The following EPB41L4A variants were observed in gnomAD, a reference collection of about 807,000 sequenced individuals.
The protein encoded by EPB41L4A is band 4.1-like protein 4A.
In EPB41L4A, 100 loss-of-function variants were observed where a neutral mutation model predicts 108.6. That is an observed-to-expected ratio of 0.92 (90% confidence interval 0.78 to 1.09). The LOEUF (loss-of-function observed/expected upper bound fraction) is 1.09. Ranked by LOEUF, EPB41L4A falls within the 50% of genes least tolerant of loss-of-function variation. The pLI, the probability that EPB41L4A is intolerant of heterozygous loss-of-function variation, is 0.00. For missense variants in EPB41L4A, 1,030 were observed against 842.7 expected, an observed-to-expected ratio of 1.22 and a Z score of -2.75; for synonymous variants, 319 against 289.0, an observed-to-expected ratio of 1.10 and a Z score of -1.05.
chr5:112,242,106 A>G (rs553879562), intron 9 of EPB41L4A, among the ~76,000 whole-genome samples: 1 of 152,272 alleles, frequency 6.6e-6, no homozygotes, highest in East Asian at 1.9e-4. Flanking sequence ...GGCTATATCA[A>G]TTTCTTAAAA....
intron 2 of EPB41L4A, among the ~76,000 whole-genome samples, chr5:112,293,117 T>C (rs1753754166): frequency 6.6e-6 from 1 of 152,230 alleles, no homozygotes; most frequent in Non-Finnish European, 1.5e-5. Flanking sequence ...GATATATATA[T>C]ACATGTATGT....
chr5:112,145,766 CTG>C (rs1177696407), intron 13 of EPB41L4A: 17 of 321,830 alleles, frequency 5.3e-5, no homozygotes, highest in Non-Finnish European at 9.8e-5. Context: ...AACCAAATCA[CTG>C]TAAAAAGAAT....
At chr5:112,146,595 A>C (rs1354298287) in intron 12 of EPB41L4A, among the ~76,000 whole-genome samples, 2 of 152,250 alleles carry the variant, frequency 1.3e-5, no homozygotes, top group African/African-American at 2.4e-5. Flanking sequence ...TAAAAATATA[A>C]AAAATTTATT....
intron 9 of EPB41L4A, among the ~76,000 whole-genome samples, chr5:112,252,434 G>A (rs1580533778): frequency 6.6e-6 from 1 of 152,022 alleles, no homozygotes. Context: ...GTAGGGACAG[G>A]GTTGATACAA....
intron 4 of EPB41L4A, chr5:112,275,111 T>C (rs1580587030): frequency 4.3e-6 from 2 of 461,324 alleles, no homozygotes; most frequent in East Asian, 9.5e-5. Flanking sequence ...TGTATCATCA[T>C]GTCACCCAGG....
rs17269645 is a variant in EPB41L4A at position 112,288,424 on chromosome 5, G to A, written c.205-8101C>T. Among the ~76,000 whole-genome samples, 874 of 152,238 alleles carry A rather than the reference G, an allele frequency of 5.7e-3. 2 individuals carry two copies. The highest frequency in any genetic ancestry group is 0.014 in the Middle Eastern group (4 of 294). Reference sequence around the variant, plus strand: ...ATCTTCCTTAGGCAAAATCCAGGCCGAGAACACTACTCCACCGCAAATACA... The same window carrying A: ...ATCTTCCTTAGGCAAAATCCAGGCCAAGAACACTACTCCACCGCAAATACA... On this transcript the variant is annotated intron_variant, in intron 2 of 22. Coordinates refer to ENST00000261486, the MANE Select transcript of EPB41L4A (RefSeq NM_022140.5).
At chr5:112,176,671 G>A (rs2150217786) in intron 18 of EPB41L4A, among the ~76,000 whole-genome samples, 1 of 150,504 alleles carries the variant, frequency 6.6e-6, no homozygotes, top group South Asian at 2.1e-4. Flanking sequence ...GTGGACCACT[G>A]CAAAGTTTTC....
chr5:112,232,510 C>T (rs1476778339), intron 12 of EPB41L4A, among the ~76,000 whole-genome samples: 3 of 152,100 alleles, frequency 2.0e-5, no homozygotes, highest in Non-Finnish European at 4.4e-5. Context: ...TTATTTCCTT[C>T]CAGCCCAACA....
chr5:112,259,930 A>G lies in EPB41L4A; in HGVS notation c.692T>C (p.Val231Ala). Residue 231 changes from valine (V) to alanine (A), a missense_variant, in exon 8 of 23, where the codon GTT becomes GCT. Transcript: ENST00000261486. Reference sequence around the variant, plus strand: ...CACTTGCTTTTTATTCTTGTACACAACAACACCAACCGGAGTTAATCCTAA... The same window carrying G: ...CACTTGCTTTTTATTCTTGTACACAGCAACACCAACCGGAGTTAATCCTAA... ...YFLGLTPVGV[V>A]VYKNKKQVGK... The G allele has an allele frequency of 1.2e-6, 2 of 1,614,136 alleles. No homozygotes were observed. Among genetic ancestry groups the G allele is most frequent in the South Asian group, 1.1e-5 (1 of 91,080 alleles).
chr5:112,232,039 A>G (rs984240971), intron 12 of EPB41L4A, among the ~76,000 whole-genome samples: 10 of 151,540 alleles, frequency 6.6e-5, no homozygotes, highest in Admixed American at 2.6e-4. Context: ...TGCTTGAGCC[A>G]TAAGTTCAAA....
chr5:112,298,387 A>G (rs987012733), intron 2 of EPB41L4A, among the ~76,000 whole-genome samples: 20 of 152,094 alleles, frequency 1.3e-4, no homozygotes, highest in Admixed American at 3.9e-4. Context: ...GAGGGTTTTA[A>G]TCATAAAGGG....
At chr5:112,404,655 T>C (rs941058107) in intron 1 of EPB41L4A, among the ~76,000 whole-genome samples, 1 of 152,216 alleles carries the variant, frequency 6.6e-6, no homozygotes, top group Non-Finnish European at 1.5e-5. Flanking sequence ...ACTTTTTCTT[T>C]CTTATTGTAG....
intron 1 of EPB41L4A, among the ~76,000 whole-genome samples, chr5:112,374,989 C>T (rs1759721521): frequency 1.3e-5 from 2 of 152,162 alleles, no homozygotes; most frequent in South Asian, 2.1e-4. Flanking sequence ...CTCTGAACTC[C>T]AGCTACACGT....
chr5:112,413,860 T>G (rs917189350), intron 1 of EPB41L4A, among the ~76,000 whole-genome samples: 1 of 152,166 alleles, frequency 6.6e-6, no homozygotes, highest in Non-Finnish European at 1.5e-5. Flanking sequence ...CAGGGCTAGA[T>G]CAGGTAGGGT....
chr5:112,345,813 ACACACACACG>A (rs758986275), intron 1 of EPB41L4A, among the ~76,000 whole-genome samples: 12 of 148,026 alleles, frequency 8.1e-5, no homozygotes, highest in African/African-American at 2.8e-4. Flanking sequence ...ACACACACAC[ACACACACACG>A]CACACATAAA....
chr5:112,360,054 A>C (rs1758620136), intron 1 of EPB41L4A, among the ~76,000 whole-genome samples: 2 of 152,228 alleles, frequency 1.3e-5, no homozygotes. Flanking sequence ...AATTTGTAAA[A>C]GTAACTATCA....
At chr5:112,180,740 A>T (rs7710973) in intron 18 of EPB41L4A, among the ~76,000 whole-genome samples, 101,421 of 151,238 alleles carry the variant, frequency 0.67, 34,916 homozygotes, top group East Asian at 0.99. Flanking sequence ...TGCTCATCAA[A>T]AAGCAATGTT....
chr5:112,238,899 T>A (rs1236832816), intron 11 of EPB41L4A, among the ~76,000 whole-genome samples: 1 of 152,226 alleles, frequency 6.6e-6, no homozygotes, highest in African/African-American at 2.4e-5. Context: ...TCATTTTTAA[T>A]GCTGGTATCA....
At chr5:112,385,053 T>C (rs989527417) in intron 1 of EPB41L4A, among the ~76,000 whole-genome samples, 3 of 152,148 alleles carry the variant, frequency 2.0e-5, no homozygotes, top group Non-Finnish European at 4.4e-5. Context: ...GTTTCAGCTT[T>C]ATCTTTTTTA....
Sources: allele counts gnomAD v4.1 joint callset (sites outside exome capture counted in the v4.1 genomes callset), GRCh38; gene constraint gnomAD v4.1.1; transcripts MANE v1.5; gene names NCBI Gene and HGNC (gene_info 2026-07-23, HGNC 2026-07-21).